Variants in ZSWIM5 observed in about 807,000 individuals in gnomAD.
The protein encoded by ZSWIM5 is zinc finger SWIM domain-containing protein 5.
ZSWIM5 carries 55 observed loss-of-function variants against 119.6 expected under a neutral mutation model. The observed-to-expected ratio is 0.46, with a 90% confidence interval of 0.37 to 0.58. The LOEUF (loss-of-function observed/expected upper bound fraction) is 0.58. ZSWIM5 is among the 20% of genes least tolerant of loss of function. The pLI is 0.00. For missense variants in ZSWIM5, 1,193 were observed against 1,512.8 expected, an observed-to-expected ratio of 0.79 and a Z score of 3.51; for synonymous variants, 537 against 606.9, an observed-to-expected ratio of 0.88 and a Z score of 1.69.
At chr1:45,155,783 T>C (rs1237859945) in intron 1 of ZSWIM5, among the ~76,000 whole-genome samples, 1 of 152,178 alleles carries the variant, frequency 6.6e-6, no homozygotes, top group Admixed American at 6.5e-5. Context: ...AACTCAGGAA[T>C]GGAAAACCAA....
At chr1:45,169,359 T>C (rs185818163) in intron 1 of ZSWIM5, among the ~76,000 whole-genome samples, 1 of 152,192 alleles carries the variant, frequency 6.6e-6, no homozygotes, top group East Asian at 1.9e-4. Flanking sequence ...TCTCATTAAA[T>C]ATCTTTACAA....
chr1:45,098,088 G>T (rs900762718), intron 1 of ZSWIM5, among the ~76,000 whole-genome samples: 1 of 152,146 alleles, frequency 6.6e-6, no homozygotes, highest in Non-Finnish European at 1.5e-5. Flanking sequence ...AGGCAAGAGA[G>T]AGACAGACAG....
intron 1 of ZSWIM5, among the ~76,000 whole-genome samples, chr1:45,116,593 C>T (rs1294076619): frequency 6.6e-6 from 1 of 152,110 alleles, no homozygotes; most frequent in Non-Finnish European, 1.5e-5. Context: ...AGAAGAAAGC[C>T]CTCCTATGAG....
chr1:45,179,815 T>C (rs150895472), intron 1 of ZSWIM5, among the ~76,000 whole-genome samples: 3 of 152,266 alleles, frequency 2.0e-5, no homozygotes, highest in South Asian at 4.1e-4. Flanking sequence ...TCTTCAGATG[T>C]AGCAATTATC....
chr1:45,017,904 C>A lies in ZSWIM5; in HGVS notation c.*550G>T, dbSNP rs1420356885. ...CTGGCCATTTTTCTCCTTGGCACCC[C>A]CACTCTTCCACTGCTACCAGCAAAC... On this transcript the variant is annotated 3_prime_UTR_variant, in exon 14 of 14. Transcript: ENST00000359600. 1 of 160,776 alleles carries A rather than the reference C, an allele frequency of 6.2e-6. No homozygotes were observed. Among genetic ancestry groups the A allele is most frequent in the Non-Finnish European group, 1.4e-5 (1 of 73,072 alleles). 10.0% of individuals were successfully genotyped at this position (160,776 alleles called of 1,614,324 possible).
chr1:45,031,344 T>C (rs886705999), intron 11 of ZSWIM5, among the ~76,000 whole-genome samples: 2 of 142,072 alleles, frequency 1.4e-5, no homozygotes, highest in African/African-American at 5.2e-5. Flanking sequence ...GCTCACGCAA[T>C]TTTTTTTTTT....
chr1:45,130,397 A>ACC (rs1411166913), intron 1 of ZSWIM5, among the ~76,000 whole-genome samples: 1 of 151,088 alleles, frequency 6.6e-6, no homozygotes, highest in East Asian at 1.9e-4. Context: ...CACACACAAA[A>ACC]CCCAAAAACC....
rs1646006056 is a variant in ZSWIM5 at position 45,180,064 on chromosome 1, A to G, written c.595+25692T>C. On this transcript the variant is annotated intron_variant, in intron 1 of 13. Coordinates refer to ENST00000359600, the MANE Select transcript of ZSWIM5 (RefSeq NM_020883.2). ...AGGTACCGGGTTCATCTCACTAGGG[A>G]GTGCCAGATAGTGGGCACAGGACAG... 1.3e-5 allele frequency among the ~76,000 whole-genome samples: 2 copies of G among 152,132 alleles called. 1 individual carries two copies. The highest frequency in any genetic ancestry group is 2.9e-5 in the Non-Finnish European group (2 of 68,006).
chr1:45,106,538 A>G (rs1211011494), intron 1 of ZSWIM5, among the ~76,000 whole-genome samples: 1 of 124,856 alleles, frequency 8.0e-6, no homozygotes, highest in African/African-American at 3.1e-5. Context: ...GCCGCCCATC[A>G]TCTGGGATGT....
At chr1:45,119,911 C>G (rs1450349409) in intron 1 of ZSWIM5, among the ~76,000 whole-genome samples, 2 of 152,222 alleles carry the variant, frequency 1.3e-5, no homozygotes, top group African/African-American at 4.8e-5. Context: ...ATCTTTATCA[C>G]ATCCACTCTC....
At chr1:45,111,453 C>A (rs903393633) in intron 1 of ZSWIM5, among the ~76,000 whole-genome samples, 1 of 151,954 alleles carries the variant, frequency 6.6e-6, no homozygotes. Context: ...AGTTTCCTAT[C>A]GCTGCTGTAA....
chr1:45,102,415 T>A (rs756729956), intron 1 of ZSWIM5, among the ~76,000 whole-genome samples: 3 of 152,222 alleles, frequency 2.0e-5, no homozygotes, highest in Non-Finnish European at 4.4e-5. Context: ...TCTTCCCTCA[T>A]CTTTTTGGAC....
At chr1:45,199,727 CTCAGAG>C (rs771852946) in intron 1 of ZSWIM5, among the ~76,000 whole-genome samples, 1 of 152,178 alleles carries the variant, frequency 6.6e-6, no homozygotes, top group Admixed American at 6.5e-5. Context: ...TTCAGAAACT[CTCAGAG>C]TCAAATATTC....
chr1:45,034,140 C>A (rs1367728100), intron 11 of ZSWIM5, among the ~76,000 whole-genome samples, 172 bp downstream of exon 11: 1 of 152,234 alleles, frequency 6.6e-6, no homozygotes. Context: ...GCGTAAGCCA[C>A]CGCGCCTGGC....
At chr1:45,043,172 A>C in intron 6 of ZSWIM5, 47 bp downstream of exon 6, 1 of 1,595,048 alleles carries the variant, frequency 6.3e-7, no homozygotes, top group Admixed American at 1.7e-5. Context: ...TGGGCCTGGC[A>C]TGAAGTGAGG....
chr1:45,073,245 C>A (rs564784873), intron 2 of ZSWIM5, among the ~76,000 whole-genome samples: 2 of 135,554 alleles, frequency 1.5e-5, no homozygotes, highest in South Asian at 2.3e-4. Flanking sequence ...ACAATTGCTA[C>A]TGAATTTTTT....
chr1:45,055,054 C>T (rs192744017), intron 4 of ZSWIM5, among the ~76,000 whole-genome samples: 20 of 152,180 alleles, frequency 1.3e-4, no homozygotes, highest in South Asian at 1.0e-3. Flanking sequence ...TGCAGTGGCA[C>T]GGTCTTGGCT....
chr1:45,194,960 T>G (rs1023831336), intron 1 of ZSWIM5, among the ~76,000 whole-genome samples: 3 of 152,134 alleles, frequency 2.0e-5, no homozygotes, highest in Non-Finnish European at 1.5e-5. Flanking sequence ...AATTCTAAAA[T>G]TTCTTATAAT....
At chr1:45,105,799 G>C (rs1161841796) in intron 1 of ZSWIM5, among the ~76,000 whole-genome samples, 2 of 148,620 alleles carry the variant, frequency 1.3e-5, no homozygotes, top group Non-Finnish European at 3.0e-5. Flanking sequence ...CCCATTGTCT[G>C]GGATGTGAGG....
Sources: gnomAD v4.1 joint callset for allele counts (sites outside exome capture counted in the v4.1 genomes callset) on GRCh38, gnomAD v4.1.1 for gene constraint, MANE v1.5 for transcripts, NCBI Gene and HGNC (gene_info 2026-07-23, HGNC 2026-07-21) for gene names.